The following EXOC2 variants were observed in gnomAD, a reference collection of about 807,000 sequenced individuals.
The protein encoded by EXOC2 is exocyst complex component 2.
In EXOC2, 70 loss-of-function variants were observed where a neutral mutation model predicts 131.8. That is an observed-to-expected ratio of 0.53 (90% CI 0.44 to 0.65). The LOEUF (loss-of-function observed/expected upper bound fraction) is 0.65. EXOC2 is among the 30% of genes least tolerant of loss of function. EXOC2 has a pLI of 0.00. For synonymous variants in EXOC2, 411 were observed against 398.4 expected (o/e 1.03, Z -0.38); for missense variants, 923 against 1,108.6 (o/e 0.83, Z 2.38).
At chr6:507,133 CA>C (rs1764589040) in intron 23 of EXOC2, among the ~76,000 whole-genome samples, 1 of 88,722 alleles carries the variant, frequency 1.1e-5, no homozygotes, top group Non-Finnish European at 2.2e-5. Flanking sequence ...CATACACACA[CA>C]CATACACACA....
intron 22 of EXOC2, among the ~76,000 whole-genome samples, chr6:537,615 T>G (rs1488416480): frequency 6.6e-6 from 1 of 152,184 alleles, no homozygotes. Flanking sequence ...CCAAGATCAG[T>G]GAGTACAAAC....
chr6:605,539 G>A (rs1056896865), intron 7 of EXOC2, among the ~76,000 whole-genome samples: 4 of 152,060 alleles, frequency 2.6e-5, no homozygotes, highest in East Asian at 1.9e-4. Flanking sequence ...CTGTGGGATC[G>A]GTGGTGATAT....
intron 25 of EXOC2, 138 bp downstream of exon 25, chr6:497,229 G>C: frequency 1.4e-6 from 1 of 727,392 alleles, no homozygotes; most frequent in Non-Finnish European, 2.2e-6. Flanking sequence ...TATGGCTTAT[G>C]CAAGAAAGAA....
intron 13 of EXOC2, among the ~76,000 whole-genome samples, chr6:571,463 T>C (rs3799307): frequency 0.12 from 18,040 of 152,144 alleles, 1,798 homozygotes; most frequent in East Asian, 0.38. Flanking sequence ...GGAGTTCAAA[T>C]ATACAAAGAA....
intron 23 of EXOC2, among the ~76,000 whole-genome samples, chr6:522,663 C>T (rs755080385): frequency 2.8e-5 from 4 of 144,280 alleles, no homozygotes; most frequent in Non-Finnish European, 6.0e-5. Flanking sequence ...CAGGTCCATG[C>T]GGACTGCAGG....
chr6:630,433 C>T (rs1761787830), intron 3 of EXOC2, among the ~76,000 whole-genome samples: 1 of 152,094 alleles, frequency 6.6e-6, no homozygotes, highest in Non-Finnish European at 1.5e-5. Flanking sequence ...AATATCCAAG[C>T]ACAAAACATT....
At chr6:489,060 T>C (rs1377617922) in intron 26 of EXOC2, 22 bp from the exon 27 acceptor site, 1 of 1,613,228 alleles carries the variant, frequency 6.2e-7, no homozygotes, top group Non-Finnish European at 8.5e-7. Context: ...ACAGCCACAC[T>C]GAAGTTGAAG....
intron 1 of EXOC2, among the ~76,000 whole-genome samples, chr6:640,520 C>T (rs750365483): frequency 2.8e-4 from 42 of 152,174 alleles, no homozygotes; most frequent in Non-Finnish European, 4.4e-4. Context: ...TAAACCCAGC[C>T]CCAGTACCCC....
chr6:600,608 G>A (rs962650998), intron 7 of EXOC2, among the ~76,000 whole-genome samples: 4 of 151,744 alleles, frequency 2.6e-5, no homozygotes, highest in African/African-American at 9.7e-5. Flanking sequence ...ATGAAATTTG[G>A]GGCAAAAAGT....
chr6:649,554 T>C (rs934374846), intron 1 of EXOC2, among the ~76,000 whole-genome samples: 2 of 152,222 alleles, frequency 1.3e-5, no homozygotes, highest in African/African-American at 4.8e-5. Context: ...TCCAGACTCA[T>C]GTTAATTCAC....
intron 23 of EXOC2, among the ~76,000 whole-genome samples, chr6:526,432 ATTTTTTTTTTTTTT>A (rs70985804): frequency 1.3e-5 from 1 of 76,006 alleles, no homozygotes; most frequent in African/African-American, 5.2e-5. Flanking sequence ...TTCTTTGTGG[ATTTTTTTTTTTTTT>A]TTTTTTTTTT....
intron 11 of EXOC2, among the ~76,000 whole-genome samples, chr6:587,590 A>G (rs1186523375): frequency 2.0e-5 from 3 of 152,218 alleles, no homozygotes; most frequent in African/African-American, 7.2e-5. Flanking sequence ...TGACATACAC[A>G]TATAGAAATG....
chr6:507,053 G>GCAGTGACCACACACACACACACACAC (rs1561794224), intron 23 of EXOC2, among the ~76,000 whole-genome samples: 2 of 142,260 alleles, frequency 1.4e-5, no homozygotes, highest in Non-Finnish European at 3.0e-5. Flanking sequence ...CACACACACA[G>GCAGTGACCACACACACACACACACAC]AGCAGTGATC....
intron 22 of EXOC2, among the ~76,000 whole-genome samples, 175 bp downstream of exon 22, chr6:549,000 T>C (rs941046315): frequency 3.5e-4 from 53 of 152,126 alleles, no homozygotes; most frequent in Non-Finnish European, 1.2e-4. Flanking sequence ...AGGTGAACCA[T>C]GGGAAGGAAG....
chr6:558,054 C>G (rs996990296), intron 17 of EXOC2, among the ~76,000 whole-genome samples: 1 of 152,136 alleles, frequency 6.6e-6, no homozygotes, highest in African/African-American at 2.4e-5. Context: ...AAGGCTCAAC[C>G]AAGCAGTTGT....
intron 25 of EXOC2, 130 bp downstream of exon 25, chr6:497,237 G>A (rs1228455448): frequency 2.5e-6 from 2 of 789,572 alleles, no homozygotes; most frequent in Non-Finnish European, 3.9e-6. Flanking sequence ...ATGCAAGAAA[G>A]AATATGAACT....
intron 8 of EXOC2, 36 bp downstream of exon 8, chr6:599,044 T>C (rs1759979013): frequency 3.2e-6 from 5 of 1,582,616 alleles, no homozygotes; most frequent in Non-Finnish European, 4.3e-6. Flanking sequence ...GTATGACATC[T>C]ACAACCATAT....
intron 23 of EXOC2, among the ~76,000 whole-genome samples, chr6:500,091 T>A (rs1763956480): frequency 1.3e-5 from 2 of 151,704 alleles, no homozygotes; most frequent in African/African-American, 4.8e-5. Flanking sequence ...GTAAAACATA[T>A]ATACTGTAAA....
At chr6:537,214 G>T (rs576032063) in intron 22 of EXOC2, among the ~76,000 whole-genome samples, 1 of 151,476 alleles carries the variant, frequency 6.6e-6, no homozygotes, top group Non-Finnish European at 1.5e-5. Context: ...GATGACGACC[G>T]ACGGAGCGCA....
Sources: allele counts gnomAD v4.1 joint callset (sites outside exome capture counted in the v4.1 genomes callset), GRCh38; gene constraint gnomAD v4.1.1; transcripts MANE v1.5; gene names NCBI Gene and HGNC (gene_info 2026-07-23, HGNC 2026-07-21).